The following CELF3 variants were observed in gnomAD, a reference collection of about 807,000 sequenced individuals.
CELF3 encodes CUGBP Elav-like family member 3.
A neutral mutation model predicts 59.6 loss-of-function variants in CELF3; 26 were observed. The observed-to-expected ratio is 0.44, with a 90% CI of 0.32 to 0.61. The LOEUF (loss-of-function observed/expected upper bound fraction) is 0.61, where lower values mean the gene tolerates loss of function less well. CELF3 is among the 20% of genes least tolerant of loss of function. The pLI, the probability that CELF3 is intolerant of heterozygous loss-of-function variation, is 0.06. For synonymous variants in CELF3, 245 were observed against 250.7 expected (o/e 0.98, Z 0.22); for missense variants, 387 against 627.2 (o/e 0.62, Z 4.09).
intron 2 of CELF3, among the ~76,000 whole-genome samples, chr1:151,713,006 A>C (rs982710723): frequency 1.3e-5 from 2 of 152,174 alleles, no homozygotes; most frequent in African/African-American, 4.8e-5. Flanking sequence ...CTTAGGGAAG[A>C]CAAAGGGTCA....
In CELF3 at chr1:151,709,196, G is replaced by A. The variant is rs1349027509; in HGVS notation, c.406+24C>T. 1 of 1,611,380 alleles carries A rather than the reference G, an allele frequency of 6.2e-7. No individual in the cohort carries two copies. The highest frequency in any genetic ancestry group is 8.5e-7 in the Non-Finnish European group (1 of 1,177,880). On this transcript the variant is annotated intron_variant, in intron 4 of 12. Transcript: ENST00000290583. The surrounding 1 kb of genome is among the most constrained non-coding windows in gnomAD (Gnocchi z 4.9). The stretch of plus-strand genomic sequence containing the variant: ...AACAGGAAGGGGAAGGGCCCGGTGG[G>A]GAAGGGGGAAGTGGGTGGACTACCT...
chr1:151,708,865 G>C, intron 5 of CELF3, 133 bp downstream of exon 5: 5 of 773,868 alleles, frequency 6.5e-6, no homozygotes, highest in South Asian at 3.5e-5. Context: ...TAAGCAGTTT[G>C]GTTCTTCTGC....
Position 151,716,716 on chromosome 1 carries a change from G to T in CELF3, c.-696C>A, listed in dbSNP as rs1304393412. The T allele has an allele frequency of 2.2e-6, 1 of 446,892 alleles. No homozygotes were observed. Among genetic ancestry groups the T allele is most frequent in the Admixed American group, 2.5e-5 (1 of 40,022 alleles). 27.7% of individuals were successfully genotyped at this position (446,892 alleles called of 1,614,324 possible). On this transcript the variant is annotated 5_prime_UTR_variant, in exon 1 of 13. Transcript: ENST00000290583. ...AGTCCCCGGGCCTGGGCTGCTGCCG[G>T]CTGCTCCCGCCGCTGGGGCTGCCTG...
Position 151,709,041 on chromosome 1 carries a change from G to T in CELF3, c.443C>A (p.Ala148Asp). The change falls in exon 5 of 13, where the codon GCC becomes GAC. Residue 148 changes from alanine (A) to aspartate (D), a missense_variant. Coordinates refer to ENST00000290583, the MANE Select transcript of CELF3 (RefSeq NM_007185.7). This position sits in a 1 kb window ranked among gnomAD's most constrained non-coding sequence, Gnocchi z 4.9. ...GTGAAGGGTGTTGATGGCCGCCTGG[G>T]CCTCAGCGTGGGTCTGGAACTTCAC... ...AFVKFQTHAE[A>D]QAAINTLHSS... 1 of 1,614,098 alleles carries T rather than the reference G, an allele frequency of 6.2e-7. No homozygotes were observed. Among genetic ancestry groups the T allele is most frequent in the Non-Finnish European group, 8.5e-7 (1 of 1,179,996 alleles).
chr1:151,712,805 CTGAT>C (rs1673133999), intron 2 of CELF3, among the ~76,000 whole-genome samples: 1 of 152,124 alleles, frequency 6.6e-6, no homozygotes, highest in African/African-American at 2.4e-5. Flanking sequence ...GGCTAAATGT[CTGAT>C]TTTTTTAAAA....
At chr1:151,704,910 A>T in intron 12 of CELF3, 121 bp downstream of exon 12, 1 of 1,114,344 alleles carries the variant, frequency 9.0e-7, no homozygotes, top group Non-Finnish European at 1.3e-6. Flanking sequence ...GCCCAGGGTC[A>T]AGGGTGGGGT....
intron 7 of CELF3, 38 bp downstream of exon 7, chr1:151,707,469 A>G (rs764856772): frequency 5.6e-6 from 9 of 1,607,256 alleles, no homozygotes; most frequent in Non-Finnish European, 7.6e-6. Context: ...TACCCCTACC[A>G]TGCTTAGCTC....
rs1471727114 is a variant in CELF3, at chr1:151,709,616, C to T, written c.277+127G>A. The T allele has an allele frequency of 4.6e-6, 5 of 1,084,204 alleles. No homozygotes were observed. Among genetic ancestry groups the T allele is most frequent in the Non-Finnish European group, 7.0e-6 (5 of 709,894 alleles). The allele number at this position is 1,084,204 out of a possible 1,614,324, so 67.2% of individuals were successfully genotyped here. ...GCTCTGGCCACACTGACTCCTATCT[C>T]ACCGCAGCTGGGAACTCTTCAGAAT... On this transcript the variant is annotated intron_variant, in intron 3 of 12. Coordinates refer to ENST00000290583, the MANE Select transcript of CELF3 (RefSeq NM_007185.7). This position sits in a 1 kb window ranked among gnomAD's most constrained non-coding sequence, Gnocchi z 4.9.
rs754480948 is a variant in CELF3 at position 151,706,231 on chromosome 1, T to TTGC, written c.1116_1118dup (p.Gln373dup). 2.5e-6 allele frequency: 4 copies of TTGC among 1,608,250 alleles called. No homozygotes were observed. Among genetic ancestry groups the TTGC allele is most frequent in the East Asian group, 2.2e-5 (1 of 44,620 alleles). ...CAAGGCCCCAGCCAGCACCTTCTCT[T>TTGC]TGCTGCTGCTGCTGTTGCTGCTGCT... On this transcript the variant is annotated inframe_insertion, in exon 10 of 13. Transcript: ENST00000290583.
At chr1:151,707,119 C>A in intron 8 of CELF3, 26 bp downstream of exon 8, 1 of 1,457,302 alleles carries the variant, frequency 6.9e-7, no homozygotes. Flanking sequence ...GTTGCTGGGA[C>A]GGAGTGGGCA....
intron 1 of CELF3, 146 bp from the exon 2 acceptor site, chr1:151,714,822 G>T: frequency 1.6e-6 from 1 of 643,908 alleles, no homozygotes; most frequent in Non-Finnish European, 2.7e-6. Flanking sequence ...GTGTCTCCAA[G>T]GGGTAGACTC....
rs1672062206 is a variant in CELF3 at position 151,701,297 on chromosome 1, G to T, written c.*2162C>A. ...GATGAAGACAGAGGGTGGGGTAGCA[G>T]CCTAGAAGCACATGTTCTATGAAGT... On this transcript the variant is annotated 3_prime_UTR_variant, in exon 13 of 13. Transcript: ENST00000290583. Among the ~76,000 whole-genome samples the T allele has an allele frequency of 1.3e-5, 2 of 152,132 alleles. No homozygotes were observed. The highest frequency in any genetic ancestry group is 1.3e-4 in the Admixed American group (2 of 15,278).
Position 151,714,688 on chromosome 1 carries a change from C to T in CELF3, c.146-12G>A, listed in dbSNP as rs1417869925. On this transcript the variant is annotated splice_polypyrimidine_tract_variant and intron_variant, in intron 1 of 12. Transcript: ENST00000290583. ...CAGGAAGGCACATCCTGAGGAGGGGCAGGGGCAGAGAAACACGGCGGGGGG... is the reference window on the plus strand; with the variant it reads ...CAGGAAGGCACATCCTGAGGAGGGGTAGGGGCAGAGAAACACGGCGGGGGG... 6.4e-7 allele frequency: 1 copy of T among 1,551,402 alleles called. No homozygotes were observed. Among genetic ancestry groups the T allele is most frequent in the Non-Finnish European group, 8.7e-7 (1 of 1,145,884 alleles).
chr1:151,702,639 C>G lies in CELF3; in HGVS notation c.*820G>C, dbSNP rs1389108472. The stretch of plus-strand genomic sequence containing the variant: ...CCCTCCTCCCAATACCCAATTACCC[C>G]CCAAAGCAAAGGGAGAAATTAAGAG... On this transcript the variant is annotated 3_prime_UTR_variant, in exon 13 of 13. Transcript: ENST00000290583. 1 of 153,032 alleles carries G rather than the reference C, an allele frequency of 6.5e-6. No individual in the cohort carries two copies. The highest frequency in any genetic ancestry group is 6.5e-5 in the Admixed American group (1 of 15,466). The allele number at this position is 153,032 out of a possible 1,614,324, so 9.5% of individuals were successfully genotyped here.
chr1:151,708,819 G>A (rs1386986726), intron 5 of CELF3, among the ~76,000 whole-genome samples, 179 bp downstream of exon 5: 2 of 152,174 alleles, frequency 1.3e-5, no homozygotes, highest in Non-Finnish European at 2.9e-5. Context: ...GGAGTGGGGA[G>A]GTGGGGAAGT....
At position 151,701,438 on chromosome 1, in the gene CELF3, C is replaced by T. The variant is rs921888473; in HGVS notation, c.*2021G>A. On this transcript the variant is annotated 3_prime_UTR_variant, in exon 13 of 13. Transcript: ENST00000290583. ...CCACCCTCTACCTGAAGGACTCACT[C>T]CTAAGCCTGCTTGCTACTTCTTGGG... 6.6e-6 allele frequency among the ~76,000 whole-genome samples: 1 copy of T among 152,126 alleles called. No homozygotes were observed. The highest frequency in any genetic ancestry group is 2.4e-5 in the African/African-American group (1 of 41,420).
In CELF3 at chr1:151,715,960, T is replaced by C; in HGVS notation, c.61A>G (p.Lys21Glu). 1 of 1,614,152 alleles carries C rather than the reference T, an allele frequency of 6.2e-7. No homozygotes were observed. The stretch of plus-strand genomic sequence containing the variant: ...TGTTCGAAGATGGGCTTCAGGTCCT[T>C]CTCCTCCAGATGCCTCGGGATCTGC... ...VGQIPRHLEE[K>E]DLKPIFEQFG... Residue 21 changes from lysine (K) to glutamate (E), a missense_variant, in exon 1 of 13, where the codon AAG (lysine) becomes GAG (glutamate). Lys to Glu is a moderately conservative substitution (Grantham distance 56). This residue lies in a region of CELF3 where 208 missense variants were observed against 354.8 expected (regional missense o/e 0.59). Transcript: ENST00000290583.
At chr1:151,713,852 G>A (rs1158732963) in intron 2 of CELF3, among the ~76,000 whole-genome samples, 1 of 152,236 alleles carries the variant, frequency 6.6e-6, no homozygotes, top group Non-Finnish European at 1.5e-5. Flanking sequence ...GGAAGGGCTT[G>A]GGACAATCAG....
chr1:151,707,337 A>G (rs1672651576), intron 7 of CELF3, 43 bp from the exon 8 acceptor site: 3 of 1,557,172 alleles, frequency 1.9e-6, no homozygotes, highest in Non-Finnish European at 2.6e-6. Flanking sequence ...AGGAGCAGAC[A>G]CACACACAGG....
Sources: gnomAD v4.1 joint callset for allele counts (sites outside exome capture counted in the v4.1 genomes callset) on GRCh38, gnomAD v4.1.1 for gene constraint, gnomAD v4.1.1 regional missense constraint, Gnocchi (gnomAD v3.1) non-coding constraint, MANE v1.5 for transcripts, NCBI Gene and HGNC (gene_info 2026-07-23, HGNC 2026-07-21) for gene names.